Variants in AKR1C8 observed in about 807,000 individuals in gnomAD.
AKR1C8 encodes aldo-keto reductase family 1 member C-like protein 1.
chr10:5,181,614 T>A, the AKR1C8 span, among the ~76,000 whole-genome samples: 1 of 152,188 alleles, frequency 6.6e-6, no homozygotes, highest in Non-Finnish European at 1.5e-5. Flanking sequence ...GCCAAAATGA[T>A]ATTTAATCTT....
At chr10:5,166,136 C>G in the AKR1C8 span, among the ~76,000 whole-genome samples, 3 of 152,106 alleles carry the variant, frequency 2.0e-5, no homozygotes, top group Non-Finnish European at 2.9e-5. Context: ...TCAGCCTGCA[C>G]TCTTCTCAAG....
At chr10:5,149,982 CAA>C in the AKR1C8 span, among the ~76,000 whole-genome samples, 2 of 151,972 alleles carry the variant, frequency 1.3e-5, no homozygotes, top group Non-Finnish European at 1.5e-5. Context: ...CTTTGAAAAA[CAA>C]AACAGAAAGA....
At chr10:5,147,367 T>C in the AKR1C8 span, among the ~76,000 whole-genome samples, 3 of 152,108 alleles carry the variant, frequency 2.0e-5, no homozygotes, top group Non-Finnish European at 4.4e-5. Flanking sequence ...ATTCTTCCCC[T>C]GGCCCAGCAC....
the AKR1C8 span, among the ~76,000 whole-genome samples, chr10:5,179,991 A>G: frequency 4.6e-4 from 70 of 152,278 alleles, 1 homozygote; most frequent in African/African-American, 1.6e-3. Flanking sequence ...GTCATTCTCC[A>G]TCCAGCTTTG....
the AKR1C8 span, among the ~76,000 whole-genome samples, chr10:5,122,917 T>C: frequency 6.6e-6 from 1 of 152,044 alleles, no homozygotes; most frequent in Non-Finnish European, 1.5e-5. Context: ...AAATTCATAC[T>C]GAGTAAAGAA....
the AKR1C8 span, among the ~76,000 whole-genome samples, chr10:5,157,206 CCAG>C: frequency 2.8e-5 from 1 of 35,932 alleles, no homozygotes; most frequent in Non-Finnish European, 9.1e-5. Context: ...CAGAGTCATG[CCAG>C]GCCAGGGGCT....
chr10:5,116,798 TTGGG>T, the AKR1C8 span, among the ~76,000 whole-genome samples: 1 of 151,722 alleles, frequency 6.6e-6, no homozygotes, highest in South Asian at 2.1e-4. Context: ...CTGTCTGCTT[TTGGG>T]TGGCCCCTGC....
chr10:5,177,946 AT>A, the AKR1C8 span, among the ~76,000 whole-genome samples: 3 of 152,198 alleles, frequency 2.0e-5, no homozygotes, highest in Admixed American at 6.5e-5. Context: ...GGATTCATTA[AT>A]TTTTTGAAGG....
At chr10:5,116,244 G>A in the AKR1C8 span, among the ~76,000 whole-genome samples, 1 of 152,012 alleles carries the variant, frequency 6.6e-6, no homozygotes, top group Non-Finnish European at 1.5e-5. Flanking sequence ...TTACCCTGTT[G>A]ACTTAAAGGT....
At chr10:5,169,251 C>T in the AKR1C8 span, among the ~76,000 whole-genome samples, 31 of 152,200 alleles carry the variant, frequency 2.0e-4, no homozygotes, top group African/African-American at 2.6e-4. Flanking sequence ...AGTGTTTGTC[C>T]GAGATGATGG....
the AKR1C8 span, among the ~76,000 whole-genome samples, chr10:5,177,374 G>A: frequency 1.4e-4 from 21 of 152,016 alleles, no homozygotes; most frequent in South Asian, 3.5e-3. Flanking sequence ...TGCTGGATTC[G>A]GTTTGCCAGT....
the AKR1C8 span, among the ~76,000 whole-genome samples, chr10:5,130,099 G>T: frequency 1.3e-5 from 2 of 151,934 alleles, no homozygotes; most frequent in Admixed American, 6.6e-5. Flanking sequence ...TCCCAAGGGT[G>T]CAGGGATGGT....
the AKR1C8 span, chr10:5,155,589 T>C: frequency 2.7e-6 from 1 of 365,464 alleles, no homozygotes; most frequent in Non-Finnish European, 5.7e-6. Flanking sequence ...TTTGGGCCTG[T>C]CTTCCTGATG....
the AKR1C8 span, among the ~76,000 whole-genome samples, chr10:5,122,341 T>C: frequency 6.6e-6 from 1 of 152,134 alleles, no homozygotes; most frequent in Non-Finnish European, 1.5e-5. Flanking sequence ...CTCTGCCTCT[T>C]CTCCATCCCA....
the AKR1C8 span, among the ~76,000 whole-genome samples, chr10:5,181,415 A>C: frequency 0.024 from 3,639 of 152,300 alleles, 160 homozygotes; most frequent in African/African-American, 0.084. Flanking sequence ...GACTTATGGT[A>C]ATCTGAAATT....
chr10:5,137,277 G>C, the AKR1C8 span, among the ~76,000 whole-genome samples: 1 of 151,936 alleles, frequency 6.6e-6, no homozygotes, highest in Admixed American at 6.6e-5. Flanking sequence ...TGATACCAAA[G>C]CCTGGCAGAG....
chr10:5,144,091 T>C, the AKR1C8 span, among the ~76,000 whole-genome samples: 18 of 152,188 alleles, frequency 1.2e-4, no homozygotes, highest in African/African-American at 4.3e-4. Flanking sequence ...TTTCTACATA[T>C]GGCTAGCCAG....
the AKR1C8 span, among the ~76,000 whole-genome samples, chr10:5,170,660 T>C: frequency 6.6e-6 from 1 of 152,130 alleles, no homozygotes; most frequent in African/African-American, 2.4e-5. Context: ...TCAGAAACCC[T>C]GTACAGGGAC....
At chr10:5,116,707 G>C in the AKR1C8 span, among the ~76,000 whole-genome samples, 19 of 152,300 alleles carry the variant, frequency 1.2e-4, no homozygotes, top group Admixed American at 1.1e-3. Context: ...TGCACTGCTT[G>C]AAGTTCTGCC....
Sources: allele counts gnomAD v4.1 joint callset (sites outside exome capture counted in the v4.1 genomes callset), GRCh38; gene constraint gnomAD v4.1.1; transcripts MANE v1.5; gene names NCBI Gene and HGNC (gene_info 2026-07-23, HGNC 2026-07-21).